The following GSK3B variants were observed in gnomAD, a reference collection of about 807,000 sequenced individuals.
GSK3B encodes the protein glycogen synthase kinase-3 beta.
In GSK3B, 15 loss-of-function variants were observed where a neutral mutation model predicts 56.4. The ratio of observed to expected loss-of-function variants is 0.27; its 90% CI spans 0.18 to 0.41. The LOEUF is 0.41. Among genes scored for constraint, GSK3B ranks in the 10% least tolerant of loss-of-function variants. The pLI, the probability that GSK3B is intolerant of heterozygous loss-of-function variation, is 1.00. For missense variants in GSK3B, 300 were observed against 513.4 expected (o/e 0.58, Z 4.02); for synonymous variants, 181 against 188.9 (o/e 0.96, Z 0.34).
chr3:119,986,500 C>A (rs1053657531), intron 2 of GSK3B, among the ~76,000 whole-genome samples: 7 of 151,070 alleles, frequency 4.6e-5, no homozygotes, highest in African/African-American at 1.7e-4. Flanking sequence ...AAAAAAACAA[C>A]CCCCATCATA....
chr3:119,907,737 T>C (rs1340588993), intron 6 of GSK3B, among the ~76,000 whole-genome samples: 1 of 152,198 alleles, frequency 6.6e-6, no homozygotes, highest in Admixed American at 6.6e-5. Flanking sequence ...ACTTATTTCA[T>C]AGATAAGGAA....
intron 2 of GSK3B, among the ~76,000 whole-genome samples, chr3:119,969,606 G>C (rs1217761236): frequency 6.6e-6 from 1 of 152,136 alleles, no homozygotes; most frequent in African/African-American, 2.4e-5. Flanking sequence ...TAAAGCTACA[G>C]GAATAAAGAC....
chr3:119,910,435 A>C (rs967158967), intron 6 of GSK3B, among the ~76,000 whole-genome samples: 12 of 152,204 alleles, frequency 7.9e-5, no homozygotes, highest in Non-Finnish European at 1.6e-4. Context: ...GAATTGTATA[A>C]AAACATAAAT....
intron 2 of GSK3B, among the ~76,000 whole-genome samples, chr3:119,989,677 G>A (rs896385134): frequency 2.4e-4 from 37 of 151,794 alleles, no homozygotes; most frequent in Admixed American, 2.2e-3. Context: ...AAAAGCTAAG[G>A]AAATATCTAA....
intron 1 of GSK3B, among the ~76,000 whole-genome samples, chr3:120,027,572 C>A (rs1559882287): frequency 1.3e-5 from 2 of 152,104 alleles, no homozygotes. Context: ...AGCAGAGAAT[C>A]ATTAGGTAAA....
In GSK3B at chr3:120,094,113, C is replaced by T. The variant is rs546889311; in HGVS notation, c.-679G>A. 7 of 229,844 alleles carry T rather than the reference C, an allele frequency of 3.0e-5. No homozygotes were observed. The East Asian group carries it at 4.4e-4, about 14-fold the overall frequency. 14.2% of individuals were successfully genotyped at this position (229,844 alleles called of 1,614,324 possible). A position where few individuals can be genotyped will look rare whatever the true frequency, so the allele number is the denominator to read the frequency against. On this transcript the variant is annotated 5_prime_UTR_variant, in exon 1 of 11. Transcript: ENST00000264235. ...TGCAGGCGGCGGCTGGATCCAGCGG[C>T]CATGGCGGTGGCGGAGGCAGCTCCC...
chr3:119,955,782 T>C (rs1311121376), intron 2 of GSK3B, among the ~76,000 whole-genome samples: 1 of 152,098 alleles, frequency 6.6e-6, no homozygotes, highest in African/African-American at 2.4e-5. Flanking sequence ...CCCTCCTGAA[T>C]AGCTGAGATT....
At chr3:119,884,243 C>T (rs2056410322) in intron 7 of GSK3B, among the ~76,000 whole-genome samples, 1 of 152,080 alleles carries the variant, frequency 6.6e-6, no homozygotes, top group Non-Finnish European at 1.5e-5. Context: ...TGAACCCAGG[C>T]AAAAAATACA....
At chr3:120,001,743 C>T (rs188505155) in intron 2 of GSK3B, among the ~76,000 whole-genome samples, 28 of 152,286 alleles carry the variant, frequency 1.8e-4, no homozygotes, top group Admixed American at 6.5e-4. Flanking sequence ...CACAGTACAA[C>T]GGTGAGGACA....
chr3:119,864,851 T>A (rs2056156287), intron 8 of GSK3B, among the ~76,000 whole-genome samples: 1 of 152,248 alleles, frequency 6.6e-6, no homozygotes, highest in South Asian at 2.1e-4. Flanking sequence ...ACATTTTCCA[T>A]GAAAATTGAG....
chr3:120,064,490 A>C (rs1297340448), intron 1 of GSK3B, among the ~76,000 whole-genome samples: 1 of 152,152 alleles, frequency 6.6e-6, no homozygotes, highest in Admixed American at 6.5e-5. Context: ...AAACTACAAA[A>C]CATTGCTAAA....
intron 10 of GSK3B, among the ~76,000 whole-genome samples, chr3:119,836,798 A>C (rs2055697972): frequency 6.6e-6 from 1 of 152,252 alleles, no homozygotes. Context: ...TAGGAAACCC[A>C]GCCCAGTTCC....
At position 119,859,033 on chromosome 3, in the gene GSK3B, A is replaced by C. The variant is rs2056062648; in HGVS notation, c.1096+4386T>G. ...CATAATGGATGTAATAACAATGAAA[A>C]AGCTCTAAATATTGCAAGAATTACC... is the stretch of plus-strand genomic sequence containing the variant. On this transcript the variant is annotated intron_variant, in intron 9 of 10. Coordinates refer to ENST00000264235, the MANE Select transcript of GSK3B (RefSeq NM_001146156.2). Among the ~76,000 whole-genome samples the C allele has an allele frequency of 2.0e-5, 3 of 152,272 alleles. No homozygotes were observed. The South Asian group carries it at 6.2e-4, about 32-fold the overall frequency.
chr3:119,844,344 A>C (rs1413850155), intron 9 of GSK3B, among the ~76,000 whole-genome samples: 1 of 146,118 alleles, frequency 6.8e-6, no homozygotes, highest in Non-Finnish European at 1.5e-5. Flanking sequence ...GAACAGAAGG[A>C]GACAGAGACA....
chr3:119,954,296 AT>A (rs1168212103), intron 2 of GSK3B, among the ~76,000 whole-genome samples: 1,768 of 132,242 alleles, frequency 0.013, 15 homozygotes, highest in Non-Finnish European at 0.017. Context: ...ATAGAATAGA[AT>A]AGAATAGAAA....
chr3:120,014,060 G>T (rs1447228495), intron 1 of GSK3B, among the ~76,000 whole-genome samples: 1 of 150,812 alleles, frequency 6.6e-6, no homozygotes, highest in African/African-American at 2.4e-5. Context: ...GCTTGAACCC[G>T]GGAGGCGGAG....
intron 7 of GSK3B, among the ~76,000 whole-genome samples, chr3:119,877,986 G>T (rs927506348): frequency 6.6e-6 from 1 of 152,108 alleles, no homozygotes; most frequent in African/African-American, 2.4e-5. Context: ...AGAAGTAGAA[G>T]AATGTAATGG....
At chr3:119,938,862 G>C (rs1419374085) in intron 3 of GSK3B, among the ~76,000 whole-genome samples, 1 of 151,968 alleles carries the variant, frequency 6.6e-6, no homozygotes, top group Non-Finnish European at 1.5e-5. Context: ...CTATCTAGAA[G>C]GCTTTCAATA....
intron 1 of GSK3B, among the ~76,000 whole-genome samples, chr3:120,006,314 G>A (rs573360256): frequency 1.9e-3 from 283 of 152,238 alleles, no homozygotes; most frequent in Non-Finnish European, 3.4e-3. Flanking sequence ...CAATAATAAT[G>A]GGAGACTTTA....
Sources: allele counts gnomAD v4.1 joint callset (sites outside exome capture counted in the v4.1 genomes callset), GRCh38; gene constraint gnomAD v4.1.1; transcripts MANE v1.5; gene names NCBI Gene and HGNC (gene_info 2026-07-23, HGNC 2026-07-21).